Variants in VPS54 observed in about 807,000 individuals in gnomAD.
The protein encoded by VPS54 is VPS54 subunit of GARP complex.
Under a neutral mutation model 121.5 loss-of-function variants are expected in VPS54, and 45 were observed. The ratio of observed to expected loss-of-function variants is 0.37; its 90% CI spans 0.29 to 0.47. VPS54 has a LOEUF of 0.47. Ranked by LOEUF, VPS54 falls within the 20% of genes least tolerant of loss-of-function variation. The probability of loss-of-function intolerance (pLI) is 0.99; values close to 1 mark genes in which losing one functional copy is unlikely to be tolerated. For missense variants in VPS54, 1,090 were observed against 1,131.4 expected, an observed-to-expected ratio of 0.96 and a Z score of 0.52; for synonymous variants, 371 against 385.8, an observed-to-expected ratio of 0.96 and a Z score of 0.45.
At chr2:63,985,614 A>G (rs1677012915) in intron 1 of VPS54, among the ~76,000 whole-genome samples, 1 of 152,006 alleles carries the variant, frequency 6.6e-6, no homozygotes, top group African/African-American at 2.4e-5. Flanking sequence ...TCATAAGACT[A>G]AGGAACTGAC....
intron 12 of VPS54, among the ~76,000 whole-genome samples, chr2:63,923,952 A>G (rs1673769891): frequency 2.0e-5 from 3 of 152,244 alleles, no homozygotes; most frequent in South Asian, 2.1e-4. Flanking sequence ...ACTCACACAT[A>G]TAAGTATACT....
chr2:64,009,976 G>A (rs904428753), intron 1 of VPS54, among the ~76,000 whole-genome samples: 1 of 151,812 alleles, frequency 6.6e-6, no homozygotes, highest in African/African-American at 2.4e-5. Context: ...CAAGAAAATG[G>A]GACTACAAAC....
intron 20 of VPS54, among the ~76,000 whole-genome samples, chr2:63,908,843 C>T (rs1386640946): frequency 6.6e-6 from 1 of 152,138 alleles, no homozygotes; most frequent in Non-Finnish European, 1.5e-5. Context: ...GAAACTGAGG[C>T]TTAAGGAGAT....
rs1672287638 is a variant in VPS54 at position 63,892,995 on chromosome 2, A to G, written c.*435T>C. ...TTTACTTTCATAGAGAAAACTTTCT[A>G]CAGAAGTTGACTAAGATTTTAAATT... On this transcript the variant is annotated 3_prime_UTR_variant, in exon 23 of 23. Transcript: ENST00000272322. The G allele has an allele frequency of 6.5e-6, 1 of 154,574 alleles. No homozygotes were observed. 9.6% of individuals were successfully genotyped at this position (154,574 alleles called of 1,614,324 possible). A position where few individuals can be genotyped will look rare whatever the true frequency, so the allele number is the denominator to read the frequency against.
At chr2:63,988,305 T>C (rs1677149993) in intron 1 of VPS54, among the ~76,000 whole-genome samples, 1 of 152,246 alleles carries the variant, frequency 6.6e-6, no homozygotes, top group East Asian at 1.9e-4. Flanking sequence ...ATATGATGTA[T>C]CACCTTTGCA....
intron 4 of VPS54, among the ~76,000 whole-genome samples, chr2:63,970,244 T>TATATATATCG (rs1676211337): frequency 1.0e-5 from 1 of 97,910 alleles, no homozygotes; most frequent in Non-Finnish European, 2.0e-5. Context: ...CACATTCTAA[T>TATATATATCG]ATATATATAG....
At chr2:64,017,731 T>C (rs1261123721) in intron 1 of VPS54, among the ~76,000 whole-genome samples, 1 of 152,244 alleles carries the variant, frequency 6.6e-6, no homozygotes, top group Non-Finnish European at 1.5e-5. Flanking sequence ...AGATTGGTAG[T>C]GTAATAATTC....
intron 20 of VPS54, among the ~76,000 whole-genome samples, chr2:63,903,010 T>TAACAC (rs1245973417): frequency 7.9e-5 from 11 of 138,486 alleles, no homozygotes; most frequent in Admixed American, 6.5e-4. Flanking sequence ...TAACACAACA[T>TAACAC]AACATAACAA....
In VPS54 at chr2:63,983,893, A is replaced by C; in HGVS notation, c.107T>G (p.Leu36Arg). Residue 36 changes from leucine (L) to arginine (R), a missense_variant, in exon 2 of 23, where the codon CTG becomes CGG. Physicochemically the swap from Leu to Arg is moderately radical, Grantham distance 102. Transcript: ENST00000272322. ...PSKHIRPVPS[L>R]PDVCPKEPTG... ...GGGTTCCTTGGGACACACATCTGGC[A>C]GTGATGGCACAGGTCGAATGTGTTT... is the stretch of plus-strand genomic sequence containing the variant. 6.2e-7 allele frequency: 1 copy of C among 1,611,988 alleles called. No individual in the cohort carries two copies. The highest frequency in any genetic ancestry group is 8.5e-7 in the Non-Finnish European group (1 of 1,179,062).
At chr2:63,949,406 A>C (rs1163514318) in intron 7 of VPS54, among the ~76,000 whole-genome samples, 1 of 152,226 alleles carries the variant, frequency 6.6e-6, no homozygotes, top group Non-Finnish European at 1.5e-5. Flanking sequence ...ACCAAACACC[A>C]GTGCAATCAG....
At chr2:63,997,527 G>T (rs1348436629) in intron 1 of VPS54, among the ~76,000 whole-genome samples, 2 of 152,136 alleles carry the variant, frequency 1.3e-5, no homozygotes, top group Non-Finnish European at 2.9e-5. Flanking sequence ...TCTGAATTTT[G>T]TGGTATCGGT....
At position 63,893,218 on chromosome 2, in the gene VPS54, A is replaced by C. The variant is rs1248617807; in HGVS notation, c.*212T>G. 1.6e-6 allele frequency: 1 copy of C among 617,292 alleles called. No individual in the cohort carries two copies. Among genetic ancestry groups the C allele is most frequent in the Non-Finnish European group, 2.9e-6 (1 of 341,420 alleles). 38.2% of individuals were successfully genotyped at this position (617,292 alleles called of 1,614,324 possible). On this transcript the variant is annotated 3_prime_UTR_variant, in exon 23 of 23. Coordinates refer to ENST00000272322, the MANE Select transcript of VPS54 (RefSeq NM_016516.3). ...TGAAAAATGTTATAGACACCTGATC[A>C]GTTACTCCTCACTGTAGGATGCACA... is the stretch of plus-strand genomic sequence containing the variant.
chr2:63,988,648 T>C (rs1050198956), intron 1 of VPS54, among the ~76,000 whole-genome samples: 1 of 152,218 alleles, frequency 6.6e-6, no homozygotes, highest in Non-Finnish European at 1.5e-5. Flanking sequence ...AACAATCTTA[T>C]GATTTCCTAT....
At chr2:63,918,618 C>G (rs986572305) in intron 15 of VPS54, among the ~76,000 whole-genome samples, 2 of 151,940 alleles carry the variant, frequency 1.3e-5, no homozygotes, top group Non-Finnish European at 2.9e-5. Context: ...TTACTTAATT[C>G]CTTCAATTTT....
chr2:63,991,889 C>T (rs1335543388), intron 1 of VPS54, among the ~76,000 whole-genome samples: 1 of 152,210 alleles, frequency 6.6e-6, no homozygotes, highest in Non-Finnish European at 1.5e-5. Context: ...GCTTGTCCAC[C>T]TCCACGTTAG....
Position 63,983,850 on chromosome 2 carries a change from A to G in VPS54, c.136+14T>C. On this transcript the variant is annotated intron_variant, in intron 2 of 22. Transcript: ENST00000272322. Reference sequence around the variant, plus strand: ...AATCATCAGTAAAAATCCTACAAAAAAAAAAAGCATTACCTGTGGGTTCCT... The same window carrying G: ...AATCATCAGTAAAAATCCTACAAAAGAAAAAAGCATTACCTGTGGGTTCCT... The G allele has an allele frequency of 6.3e-7, 1 of 1,578,138 alleles. No individual in the cohort carries two copies. The highest frequency in any genetic ancestry group is 8.6e-7 in the Non-Finnish European group (1 of 1,165,748).
At chr2:63,904,959 A>G (rs1373791584) in intron 20 of VPS54, among the ~76,000 whole-genome samples, 1 of 152,262 alleles carries the variant, frequency 6.6e-6, no homozygotes, top group Non-Finnish European at 1.5e-5. Flanking sequence ...ACCCAAGGCC[A>G]AAGAAGAATC....
In VPS54 at chr2:63,905,533, T is replaced by C. The variant is rs149754174; in HGVS notation, c.2626-5952A>G. On this transcript the variant is annotated intron_variant, in intron 20 of 22. Transcript: ENST00000272322. ...ATGTATTTTTTTTTTAATGAACTTATTAAAAACCTGCCTGTAAAGTAAGAA... is the reference window on the plus strand; with the variant it reads ...ATGTATTTTTTTTTTAATGAACTTACTAAAAACCTGCCTGTAAAGTAAGAA... Among the ~76,000 whole-genome samples the C allele has an allele frequency of 2.9e-3, 446 of 151,984 alleles. 2 individuals carry two copies. The highest frequency in any genetic ancestry group is 0.023 in the East Asian group (119 of 5,188).
At chr2:63,928,415 A>G (rs1021464231) in intron 12 of VPS54, among the ~76,000 whole-genome samples, 1 of 152,224 alleles carries the variant, frequency 6.6e-6, no homozygotes, top group Non-Finnish European at 1.5e-5. Flanking sequence ...ACTAAGCTTC[A>G]TAAGTGAAGG....
Sources: gnomAD v4.1 joint callset for allele counts (sites outside exome capture counted in the v4.1 genomes callset) on GRCh38, gnomAD v4.1.1 for gene constraint, MANE v1.5 for transcripts, NCBI Gene and HGNC (gene_info 2026-07-23, HGNC 2026-07-21) for gene names.